RNH1: variants seen among roughly 807,000 people sequenced by gnomAD.
RNH1 encodes the protein ribonuclease inhibitor.
In RNH1, 38 loss-of-function variants were observed where a neutral mutation model predicts 46.1. The observed-to-expected ratio is 0.82, with a 90% CI of 0.64 to 1.08. RNH1 has a LOEUF of 1.08. RNH1 is among the 50% of genes least tolerant of loss of function. The probability of loss-of-function intolerance (pLI) is 0.00; values close to 1 mark genes in which losing one functional copy is unlikely to be tolerated. For missense variants in RNH1, 577 were observed against 590.7 expected, an observed-to-expected ratio of 0.98 and a Z score of 0.24; for synonymous variants, 319 against 279.1, an observed-to-expected ratio of 1.14 and a Z score of -1.43.
intron 1 of RNH1, chr11:505,876 T>A (rs1397212555): frequency 2.5e-5 from 2 of 79,298 alleles, no homozygotes; most frequent in African/African-American, 1.1e-4. Context: ...TAATGTAACT[T>A]TTTTTTTTTT....
At position 494,888 on chromosome 11, in the gene RNH1, C is replaced by T; in HGVS notation, c.1293G>A (p.Gln431=). 2 of 1,612,106 alleles carry T rather than the reference C, an allele frequency of 1.2e-6. No homozygotes were observed. The highest frequency in any genetic ancestry group is 1.1e-5 in the South Asian group (1 of 90,938). Reference sequence around the variant, plus strand: ...CGCCCAGCGCGTGCACATACACCAGCTGCTCCAGGAGGCAGCCCGGCTGCC... The same window carrying T: ...CGCCCAGCGCGTGCACATACACCAGTTGCTCCAGGAGGCAGCCCGGCTGCC... ...SVRQPGCLLE[Q]LVLYDIYWSE... The change falls in exon 10 of 11, where the codon CAG becomes CAA. Residue 431 remains glutamine (Q), a synonymous_variant. Coordinates refer to ENST00000354420, the MANE Select transcript of RNH1 (RefSeq NM_203387.3).
chr11:499,761 C>G, intron 5 of RNH1, 68 bp downstream of exon 5: 1 of 1,562,986 alleles, frequency 6.4e-7, no homozygotes, highest in South Asian at 1.2e-5. Context: ...AGGCGATGTT[C>G]TATGTAGGGG....
chr11:497,991 G>A lies in RNH1; in HGVS notation c.1107C>T (p.Gly369=). Residue 369 remains glycine (G), a synonymous_variant, in exon 9 of 11, where the codon GGC becomes GGT. Coordinates refer to ENST00000354420, the MANE Select transcript of RNH1 (RefSeq NM_203387.3). ...RELCQGLGQP[G]SVLRVLWLAD... is the part of the protein sequence containing the mutation. ...CTCACCAGAGCACCCGCAGCACAGA[G>A]CCAGGCTGGCCCAGGCCCTGGCACA... The A allele has an allele frequency of 6.2e-7, 1 of 1,613,850 alleles. No individual in the cohort carries two copies. Among genetic ancestry groups the A allele is most frequent in the Non-Finnish European group, 8.5e-7 (1 of 1,179,890 alleles).
intron 8 of RNH1, 110 bp from the exon 9 acceptor site, chr11:498,251 G>C: frequency 2.2e-6 from 3 of 1,341,100 alleles, no homozygotes; most frequent in Non-Finnish European, 3.0e-6. Flanking sequence ...ACATCTGACA[G>C]CCTCCCAGCA....
At chr11:506,473 G>C (rs1170473255) in intron 1 of RNH1, 1 of 152,232 alleles carries the variant, frequency 6.6e-6, no homozygotes, top group Non-Finnish European at 1.5e-5. Flanking sequence ...TTCCAGTTAT[G>C]TTGCTCTCCT....
chr11:499,091 T>C lies in RNH1; in HGVS notation c.538A>G (p.Asn180Asp), dbSNP rs1332402275. ...CGGACGCCAGCCTCATTGATGTCGT[T>C]GTTGCTAACCGTGAGCTCCTTGAAG... ...PDFKELTVSN[N>D]DINEAGVRVL... The change falls in exon 6 of 11, where the codon AAC (asparagine) becomes GAC (aspartate). Residue 180 changes from asparagine (N) to aspartate (D), a missense_variant. By Grantham distance (23) the Asn-to-Asp change is conservative (BLOSUM62 1). Transcript: ENST00000354420. 4 of 1,613,450 alleles carry C rather than the reference T, an allele frequency of 2.5e-6. No homozygotes were observed. The highest frequency in any genetic ancestry group is 1.6e-4 in the Middle Eastern group (1 of 6,062).
chr11:499,255 G>T, intron 5 of RNH1, 70 bp from the exon 6 acceptor site: 1 of 1,531,894 alleles, frequency 6.5e-7, no homozygotes. Context: ...CAGGGAGCAC[G>T]GGGTGTGCTG....
intron 5 of RNH1, 156 bp from the exon 6 acceptor site, chr11:499,341 G>T: frequency 1.3e-6 from 1 of 768,954 alleles, no homozygotes; most frequent in Non-Finnish European, 2.1e-6. Flanking sequence ...CTCATCCAGA[G>T]GCCCGGGCCT....
intron 2 of RNH1, among the ~76,000 whole-genome samples, chr11:504,152 G>A (rs1451786228): frequency 6.6e-6 from 1 of 152,128 alleles, no homozygotes; most frequent in Non-Finnish European, 1.5e-5. Flanking sequence ...AGCCACATGG[G>A]AGGGGCCGTC....
rs144571645 is a variant in RNH1, at chr11:500,997, G to A, written c.102-343C>T. 2.2e-3 allele frequency: 854 copies of A among 385,746 alleles called. 4 individuals carry two copies. Among genetic ancestry groups the A allele is most frequent in the Middle Eastern group, 7.2e-3 (8 of 1,112 alleles). The allele number at this position is 385,746 out of a possible 1,614,324, so 23.9% of individuals were successfully genotyped here. ...TACAAAAGTAGCCGGGCGTGGTGGC[G>A]CATGCCCATAATCCCAGCTACTCGG... is the stretch of plus-strand genomic sequence containing the variant. On this transcript the variant is annotated intron_variant, in intron 3 of 10. Transcript: ENST00000354420.
In RNH1 at chr11:498,041, G is replaced by T; in HGVS notation, c.1057C>A (p.Leu353Met). The part of the protein sequence containing the change: ...LLELQISNNR[L>M]EDAGVRELCQ... ...AGCTCCCGCACGCCCGCATCCTCCAGCCTGTTGTTGCTTATCTGTAGCTCC... is the reference window on the plus strand; with the variant it reads ...AGCTCCCGCACGCCCGCATCCTCCATCCTGTTGTTGCTTATCTGTAGCTCC... The change falls in exon 9 of 11, where the codon CTG becomes ATG. Residue 353 changes from leucine to methionine, a missense_variant. Physicochemically the swap from Leu to Met is conservative, Grantham distance 15. Coordinates refer to ENST00000354420, the MANE Select transcript of RNH1 (RefSeq NM_203387.3). 2.5e-6 allele frequency: 4 copies of T among 1,614,126 alleles called. No individual in the cohort carries two copies. Among genetic ancestry groups the T allele is most frequent in the Middle Eastern group, 1.7e-4 (1 of 6,060 alleles).
intron 9 of RNH1, 43 bp from the exon 10 acceptor site, chr11:495,096 G>A (rs756108950): frequency 6.4e-7 from 1 of 1,572,990 alleles, no homozygotes; most frequent in Non-Finnish European, 8.6e-7. Flanking sequence ...GGCGTGCCTG[G>A]CACCGCACTG....
rs374150405 is a variant in RNH1 at position 503,803 on chromosome 11, G to A, written c.-88+1021C>T. The stretch of plus-strand genomic sequence containing the variant: ...GCTCCCGTGACCATCTGCAACTAGC[G>A]CTGCGGGAGTAGCCCCGTCCCTACC... On this transcript the variant is annotated intron_variant, in intron 2 of 10. Transcript: ENST00000354420. Among the ~76,000 whole-genome samples the A allele has an allele frequency of 9.2e-5, 14 of 152,250 alleles. 1 individual carries two copies. The South Asian group carries it at 1.5e-3, about 16-fold the overall frequency.
intron 5 of RNH1, 29 bp from the exon 6 acceptor site, chr11:499,214 C>T (rs1284541518): frequency 1.2e-6 from 2 of 1,607,430 alleles, no homozygotes; most frequent in Non-Finnish European, 8.5e-7. Context: ...CAGCACCACA[C>T]AGGAATGTGC....
intron 9 of RNH1, among the ~76,000 whole-genome samples, chr11:496,263 G>A (rs1221013790): frequency 6.6e-6 from 1 of 152,220 alleles, no homozygotes; most frequent in Non-Finnish European, 1.5e-5. Context: ...CAAGGTCACA[G>A]TGGCTCACGC....
intron 3 of RNH1, chr11:500,980 T>G: frequency 1.3e-5 from 5 of 395,228 alleles, no homozygotes; most frequent in Non-Finnish European, 9.7e-6. Context: ...AATACAAAAG[T>G]AGCCGGGCGT....
At position 501,519 on chromosome 11, in the gene RNH1, T is replaced by C. The variant is rs577385257; in HGVS notation, c.101+543A>G. 1 of 159,150 alleles carries C rather than the reference T, an allele frequency of 6.3e-6. No individual in the cohort carries two copies. Among genetic ancestry groups the C allele is most frequent in the African/African-American group, 2.4e-5 (1 of 41,614 alleles). The allele number at this position is 159,150 out of a possible 1,614,324, so 9.9% of individuals were successfully genotyped here. ...CTGGGCCAGAGCTAGCGTCCGCAGG[T>C]ACACAGGACCACCTCACCAGGGAGC... On this transcript the variant is annotated intron_variant, in intron 3 of 10. Transcript: ENST00000354420. The surrounding 1 kb of genome is among the most constrained non-coding windows in gnomAD (Gnocchi z 4.1).
chr11:502,153 C>G lies in RNH1; in HGVS notation c.10G>C (p.Asp4His). The G allele has an allele frequency of 6.3e-7, 1 of 1,599,916 alleles. No homozygotes were observed. The highest frequency in any genetic ancestry group is 8.5e-7 in the Non-Finnish European group (1 of 1,171,652). The change falls in exon 3 of 11, where the codon GAC (aspartate) becomes CAC (histidine). Residue 4 changes from aspartate (D) to histidine (H), a missense_variant. Asp to His is a moderately conservative substitution (Grantham distance 81). Coordinates refer to ENST00000354420, the MANE Select transcript of RNH1 (RefSeq NM_203387.3). This position sits in a 1 kb window ranked among gnomAD's most constrained non-coding sequence, Gnocchi z 5.8. ...CACTGGATGTCCAGGCTCTGGATGT[C>G]CAGGCTCATGGTGGAGGTGAAGAGT... MSL[D>H]IQSLDIQCEE...
chr11:500,447 T>A (rs200547007), intron 4 of RNH1, 37 bp downstream of exon 4: 1 of 1,581,532 alleles, frequency 6.3e-7, no homozygotes, highest in South Asian at 1.1e-5. Flanking sequence ...CAAAGCAGAC[T>A]GCACCAGGCC....
Sources: gnomAD v4.1 joint callset for allele counts (sites outside exome capture counted in the v4.1 genomes callset) on GRCh38, gnomAD v4.1.1 for gene constraint, Gnocchi (gnomAD v3.1) non-coding constraint, MANE v1.5 for transcripts, NCBI Gene and HGNC (gene_info 2026-07-23, HGNC 2026-07-21) for gene names.